The following KIAA1671 variants were observed in gnomAD, a reference collection of about 807,000 sequenced individuals.
KIAA1671 encodes KIAA1671, also known as uncharacterized protein KIAA1671.
KIAA1671 carries 52 observed loss-of-function variants against 131.2 expected under a neutral mutation model. That is an observed-to-expected ratio of 0.40 (90% CI 0.32 to 0.50). KIAA1671 has a LOEUF of 0.50. Among genes scored for constraint, KIAA1671 ranks in the 20% least tolerant of loss-of-function variants. The probability of loss-of-function intolerance (pLI) is 0.73; values close to 1 mark genes in which losing one functional copy is unlikely to be tolerated. For synonymous variants in KIAA1671, 1,003 were observed against 961.6 expected, an observed-to-expected ratio of 1.04 and a Z score of -0.80; for missense variants, 2,360 against 2,364.2, an observed-to-expected ratio of 1.00 and a Z score of 0.04.
chr22:25,017,724 C>T (rs1569207209), intron 1 of KIAA1671, among the ~76,000 whole-genome samples: 1 of 152,142 alleles, frequency 6.6e-6, no homozygotes, highest in Non-Finnish European at 1.5e-5. Context: ...GTAAAATGGG[C>T]TTATCCCAGG....
intron 1 of KIAA1671, among the ~76,000 whole-genome samples, chr22:24,974,577 G>T (rs1195778451): frequency 2.0e-5 from 3 of 151,116 alleles, no homozygotes; most frequent in African/African-American, 4.9e-5. Flanking sequence ...GGATTTTCTT[G>T]ATATGTGTAT....
chr22:25,050,353 G>A (rs9612836), intron 6 of KIAA1671: 23,212 of 152,240 alleles, frequency 0.15, 1,923 homozygotes, highest in African/African-American at 0.19. Flanking sequence ...ACTTGCTCAT[G>A]AAGCCCCTTT....
intron 1 of KIAA1671, among the ~76,000 whole-genome samples, chr22:24,969,459 A>C (rs1244745418): frequency 3.3e-5 from 5 of 152,238 alleles, no homozygotes; most frequent in African/African-American, 1.2e-4. Flanking sequence ...GACAAAAAAA[A>C]ACCTCTGTAC....
intron 6 of KIAA1671, chr22:25,057,447 G>A (rs1040132439): frequency 1.2e-4 from 18 of 152,354 alleles, no homozygotes; most frequent in African/African-American, 4.1e-4. Context: ...GCATCCTGGC[G>A]TGCGCGCGTC....
At chr22:25,005,141 C>T (rs560522704) in intron 1 of KIAA1671, among the ~76,000 whole-genome samples, 1 of 149,798 alleles carries the variant, frequency 6.7e-6, no homozygotes, top group East Asian at 2.0e-4. Context: ...CAAAGTCAAG[C>T]GATCGAGACC....
At chr22:25,018,209 C>T (rs1457829308) in intron 1 of KIAA1671, among the ~76,000 whole-genome samples, 2 of 152,070 alleles carry the variant, frequency 1.3e-5, no homozygotes, top group African/African-American at 4.8e-5. Flanking sequence ...AGTGTGTCAC[C>T]ACTGTGATTA....
At chr22:25,006,457 G>C (rs1013867160) in intron 1 of KIAA1671, among the ~76,000 whole-genome samples, 2 of 152,028 alleles carry the variant, frequency 1.3e-5, no homozygotes, top group Non-Finnish European at 2.9e-5. Context: ...GGGAATTAAG[G>C]TGTCTGGTCG....
In KIAA1671 at chr22:25,193,755, G is replaced by A. The variant is rs563897530; in HGVS notation, c.*1354G>A. On this transcript the variant is annotated 3_prime_UTR_variant, in exon 13 of 13. Coordinates refer to ENST00000358431, the MANE Select transcript of KIAA1671 (RefSeq NM_001145206.2). ...TTCAGCACCAGGGACAGCAACTGCA[G>A]GGCTGTGAGGCCGGAGCCCACCTTG... is the stretch of plus-strand genomic sequence containing the variant. The A allele has an allele frequency of 6.6e-5, 10 of 152,252 alleles. No individual in the cohort carries two copies. The highest frequency in any genetic ancestry group is 1.3e-4 in the Non-Finnish European group (9 of 68,084). The allele number at this position is 152,252 out of a possible 1,614,324, so 9.4% of individuals were successfully genotyped here.
intron 6 of KIAA1671, among the ~76,000 whole-genome samples, chr22:25,129,461 C>T (rs909758511): frequency 3.3e-5 from 5 of 150,748 alleles, no homozygotes; most frequent in East Asian, 3.9e-4. Flanking sequence ...GAGCCGAGAT[C>T]GTACCATTGC....
At position 25,038,782 on chromosome 22, in the gene KIAA1671, A is replaced by T; in HGVS notation, c.1652A>T (p.Asp551Val). The change falls in exon 5 of 13, where the codon GAT becomes GTT. Residue 551 changes from aspartate to valine, a missense_variant. Asp to Val is a radical substitution (Grantham distance 152). Around this residue, in one of 3 missense-constraint regions of KIAA1671, gnomAD observed 1,185 missense variants for 1,126.2 expected, o/e 1.05. Coordinates refer to ENST00000358431, the MANE Select transcript of KIAA1671 (RefSeq NM_001145206.2). The part of the protein sequence containing the change: ...REKQKEGHSL[D>V]GACIPRSPWK... Reference sequence around the variant, plus strand: ...CAGCAAAAGGAGGGGCACAGTTTGGATGGAGCATGCATCCCGAGAAGCCCC... The same window carrying T: ...CAGCAAAAGGAGGGGCACAGTTTGGTTGGAGCATGCATCCCGAGAAGCCCC... 1 of 1,542,002 alleles carries T rather than the reference A, an allele frequency of 6.5e-7. No homozygotes were observed. The highest frequency in any genetic ancestry group is 2.0e-5 in the Admixed American group (1 of 50,758).
chr22:25,032,637 G>A lies in KIAA1671; in HGVS notation c.1570G>A (p.Val524Ile). The A allele has an allele frequency of 6.5e-7, 1 of 1,546,768 alleles. No homozygotes were observed. Among genetic ancestry groups the A allele is most frequent in the Non-Finnish European group, 8.7e-7 (1 of 1,143,040 alleles). Reference sequence around the variant, plus strand: ...TTCAAGTTCAGCTTCCAGCAACGAAGTCAAATATGAGAAGAGTGCTGAGCT... The same window carrying A: ...TTCAAGTTCAGCTTCCAGCAACGAAATCAAATATGAGAAGAGTGCTGAGCT... ...LFSSSASSNE[V>I]KYEKSAELSG... is the part of the protein sequence containing the mutation. Residue 524 changes from valine (V) to isoleucine (I), a missense_variant, in exon 4 of 13, where the codon GTC becomes ATC. Around this residue, in one of 3 missense-constraint regions of KIAA1671, gnomAD observed 1,185 missense variants for 1,126.2 expected, o/e 1.05. Coordinates refer to ENST00000358431, the MANE Select transcript of KIAA1671 (RefSeq NM_001145206.2).
intron 6 of KIAA1671, chr22:25,062,802 C>G (rs1374894699): frequency 2.3e-5 from 3 of 129,352 alleles, no homozygotes; most frequent in South Asian, 2.7e-4. Context: ...TGTTCCCCCC[C>G]TCCCAACCGG....
At position 24,992,172 on chromosome 22, in the gene KIAA1671, C is replaced by T. The variant is rs190496283; in HGVS notation, c.-207-33461C>T. On this transcript the variant is annotated intron_variant, in intron 1 of 12. Coordinates refer to ENST00000358431, the MANE Select transcript of KIAA1671 (RefSeq NM_001145206.2). ...GGGATTTTCCTTCGGGTAATTGGGA[C>T]GGAGGATGGAGTTTGGACCCTGTAG... 7.2e-4 allele frequency among the ~76,000 whole-genome samples: 110 copies of T among 152,254 alleles called. 2 individuals carry two copies. In the East Asian group the frequency reaches 0.018, roughly 25 times the overall value.
chr22:24,958,544 G>C (rs1009873061), intron 1 of KIAA1671, among the ~76,000 whole-genome samples: 2 of 151,798 alleles, frequency 1.3e-5, no homozygotes, highest in Non-Finnish European at 2.9e-5. Flanking sequence ...CCAGCTACTC[G>C]GGAGGCTGAG....
intron 1 of KIAA1671, among the ~76,000 whole-genome samples, chr22:24,958,035 T>C (rs1921811522): frequency 6.7e-6 from 1 of 149,704 alleles, no homozygotes; most frequent in Admixed American, 6.7e-5. Context: ...GACCCTCGAC[T>C]TTACAGTTCA....
At chr22:24,977,247 GA>G (rs1427831550) in intron 1 of KIAA1671, among the ~76,000 whole-genome samples, 1 of 152,068 alleles carries the variant, frequency 6.6e-6, no homozygotes, top group African/African-American at 2.4e-5. Context: ...GTGTTTCTTT[GA>G]AAAAAGGGAA....
chr22:24,987,385 A>G (rs1007065260), intron 1 of KIAA1671, among the ~76,000 whole-genome samples: 4 of 151,816 alleles, frequency 2.6e-5, no homozygotes, highest in African/African-American at 7.2e-5. Flanking sequence ...GTTAGCCAGG[A>G]TGTTCTCGAT....
chr22:24,958,998 A>G (rs982161212), intron 1 of KIAA1671, among the ~76,000 whole-genome samples: 2 of 147,650 alleles, frequency 1.4e-5, no homozygotes, highest in African/African-American at 5.0e-5. Flanking sequence ...AAAAAAAAAA[A>G]GAAAAGAAAA....
chr22:25,178,180 G>C (rs1319215992), intron 9 of KIAA1671, among the ~76,000 whole-genome samples: 6 of 152,180 alleles, frequency 3.9e-5, no homozygotes, highest in Non-Finnish European at 8.8e-5. Flanking sequence ...CCGTCCTCCA[G>C]CTGACCATCC....
Sources: allele counts gnomAD v4.1 joint callset (sites outside exome capture counted in the v4.1 genomes callset), GRCh38; gene constraint gnomAD v4.1.1; regional missense constraint gnomAD v4.1.1; transcripts MANE v1.5; gene names NCBI Gene and HGNC (gene_info 2026-07-23, HGNC 2026-07-21).